CA10: variants seen among roughly 807,000 people sequenced by gnomAD.
CA10 encodes the protein carbonic anhydrase 10 (inactive), also known as carbonic anhydrase-related protein 10.
Under a neutral mutation model 44.2 loss-of-function variants are expected in CA10, and 14 were observed. The ratio of observed to expected loss-of-function variants is 0.32; its 90% CI spans 0.21 to 0.50. CA10 has a LOEUF of 0.50. CA10 is among the 20% of genes least tolerant of loss of function. CA10 has a pLI of 0.99. For missense variants in CA10, 350 were observed against 409.7 expected, an observed-to-expected ratio of 0.85 and a Z score of 1.26; for synonymous variants, 159 against 141.6, an observed-to-expected ratio of 1.12 and a Z score of -0.87.
chr17:51,850,258 G>T (rs1302846656), intron 3 of CA10, among the ~76,000 whole-genome samples: 1 of 152,168 alleles, frequency 6.6e-6, no homozygotes, highest in East Asian at 1.9e-4. Context: ...GAGTTTTATG[G>T]TTTCATATAC....
At chr17:51,967,248 A>T (rs971666527) in intron 2 of CA10, among the ~76,000 whole-genome samples, 1 of 151,626 alleles carries the variant, frequency 6.6e-6, no homozygotes, top group African/African-American at 2.4e-5. Flanking sequence ...TAGAAATGTA[A>T]ATTTGTTTAG....
chr17:51,715,448 G>T (rs1400083626), intron 4 of CA10, among the ~76,000 whole-genome samples: 3 of 151,922 alleles, frequency 2.0e-5, no homozygotes, highest in Non-Finnish European at 4.4e-5. Context: ...AATTTTTGTG[G>T]GTACATAATG....
At chr17:51,918,709 C>G (rs1982103032) in intron 3 of CA10, among the ~76,000 whole-genome samples, 1 of 152,230 alleles carries the variant, frequency 6.6e-6, no homozygotes, top group Non-Finnish European at 1.5e-5. Flanking sequence ...CAAAATAAAA[C>G]TCTCGCCTTA....
At chr17:51,864,735 C>T (rs2143847910) in intron 3 of CA10, among the ~76,000 whole-genome samples, 1 of 152,256 alleles carries the variant, frequency 6.6e-6, no homozygotes, top group Non-Finnish European at 1.5e-5. Flanking sequence ...CATTTCCTTC[C>T]ACATTAATGT....
intron 2 of CA10, among the ~76,000 whole-genome samples, chr17:52,028,307 A>AT (rs371504249): frequency 1.6e-4 from 25 of 152,286 alleles, no homozygotes; most frequent in African/African-American, 6.0e-4. Context: ...GTGTGTTCTC[A>AT]TTTTTAAACA....
intron 2 of CA10, among the ~76,000 whole-genome samples, chr17:52,063,909 T>A (rs1222801982): frequency 2.0e-5 from 3 of 152,226 alleles, no homozygotes; most frequent in Admixed American, 2.0e-4. Flanking sequence ...TTTCTGAGTA[T>A]AATGGAATTT....
Position 51,747,648 on chromosome 17 carries a change from C to A in CA10, c.450G>T (p.Gln150His). The A allele has an allele frequency of 6.2e-7, 1 of 1,612,614 alleles. No individual in the cohort carries two copies. Among genetic ancestry groups the A allele is most frequent in the Non-Finnish European group, 8.5e-7 (1 of 1,179,360 alleles). ...SQGSEHLLNG[Q>H]AFSGEVQLIH... ...ACTAACATACCTCCCCAGAGAAGGC[C>A]TGTCCATTGAGGAGGTGCTCCGACC... Residue 150 changes from glutamine (Q) to histidine (H), a missense_variant, in exon 4 of 9, where the codon CAG (glutamine) becomes CAT (histidine). Physicochemically the swap from Gln to His is conservative, Grantham distance 24. Coordinates refer to ENST00000451037, the MANE Select transcript of CA10 (RefSeq NM_020178.5).
intron 2 of CA10, among the ~76,000 whole-genome samples, chr17:51,943,876 A>G (rs960732781): frequency 1.3e-5 from 2 of 152,186 alleles, no homozygotes; most frequent in African/African-American, 2.4e-5. Flanking sequence ...GGAAAAACAC[A>G]TCGACTAAAG....
At chr17:51,866,388 T>C (rs1343198880) in intron 3 of CA10, among the ~76,000 whole-genome samples, 1 of 152,236 alleles carries the variant, frequency 6.6e-6, no homozygotes, top group African/African-American at 2.4e-5. Context: ...CCTTGCCACT[T>C]TGTGGCTATT....
At chr17:52,139,368 T>G (rs912656805) in intron 1 of CA10, among the ~76,000 whole-genome samples, 1 of 152,222 alleles carries the variant, frequency 6.6e-6, no homozygotes, top group Non-Finnish European at 1.5e-5. Context: ...AAACTGCTTT[T>G]TGCCTACTGC....
intron 4 of CA10, among the ~76,000 whole-genome samples, chr17:51,731,179 C>T (rs1477942265): frequency 6.6e-6 from 1 of 152,108 alleles, no homozygotes; most frequent in East Asian, 1.9e-4. Context: ...GAGATGGAGA[C>T]CATCGTGGCC....
intron 4 of CA10, among the ~76,000 whole-genome samples, chr17:51,697,948 C>T (rs1284486667): frequency 6.6e-6 from 1 of 152,154 alleles, no homozygotes; most frequent in Admixed American, 6.5e-5. Flanking sequence ...TGACTACTAC[C>T]CTGATGTCTC....
At chr17:51,919,093 T>C (rs935154508) in intron 3 of CA10, among the ~76,000 whole-genome samples, 1 of 152,172 alleles carries the variant, frequency 6.6e-6, no homozygotes, top group African/African-American at 2.4e-5. Flanking sequence ...TAGAAGAAAA[T>C]GAGCATTTTC....
At chr17:52,072,571 A>C (rs1383727950) in intron 1 of CA10, among the ~76,000 whole-genome samples, 178 bp from the exon 2 acceptor site, 1 of 151,826 alleles carries the variant, frequency 6.6e-6, no homozygotes, top group Non-Finnish European at 1.5e-5. Context: ...TTGATCGGTA[A>C]ATATAAAAAC....
At chr17:51,757,275 G>T (rs547404804) in intron 3 of CA10, among the ~76,000 whole-genome samples, 2 of 152,036 alleles carry the variant, frequency 1.3e-5, no homozygotes, top group African/African-American at 4.8e-5. Context: ...AAGCATCGAC[G>T]CAAGAAAAAA....
chr17:51,692,707 T>C (rs1176496224), intron 4 of CA10, among the ~76,000 whole-genome samples: 3 of 152,216 alleles, frequency 2.0e-5, no homozygotes, highest in Non-Finnish European at 2.9e-5. Context: ...TTGAAGGGCA[T>C]GTTGGTGTTT....
At chr17:51,856,666 C>T (rs907837018) in intron 3 of CA10, among the ~76,000 whole-genome samples, 6 of 152,174 alleles carry the variant, frequency 3.9e-5, no homozygotes, top group Non-Finnish European at 7.3e-5. Context: ...CCAGTTGATT[C>T]TCACATTCTC....
intron 2 of CA10, among the ~76,000 whole-genome samples, chr17:51,943,571 C>T (rs1983165056): frequency 1.3e-5 from 2 of 152,322 alleles, no homozygotes; most frequent in East Asian, 1.9e-4. Context: ...ACCAACAAGC[C>T]TTTGCCTGCA....
chr17:51,720,850 A>T (rs6504741), intron 4 of CA10, among the ~76,000 whole-genome samples: 58,133 of 144,426 alleles, frequency 0.4, 11,828 homozygotes, highest in Middle Eastern at 0.51. Flanking sequence ...TGGTGACCAC[A>T]GTTAATAATA....
Sources: gnomAD v4.1 joint callset for allele counts (sites outside exome capture counted in the v4.1 genomes callset) on GRCh38, gnomAD v4.1.1 for gene constraint, MANE v1.5 for transcripts, NCBI Gene and HGNC (gene_info 2026-07-23, HGNC 2026-07-21) for gene names.